SPATA16: variants seen among roughly 807,000 people sequenced by gnomAD.
SPATA16 encodes spermatogenesis-associated protein 16.
In SPATA16, 36 loss-of-function variants were observed where a neutral mutation model predicts 63.3. That is an observed-to-expected ratio of 0.57 (90% CI 0.44 to 0.75). The LOEUF (loss-of-function observed/expected upper bound fraction) is 0.75, where lower values mean the gene tolerates loss of function less well. SPATA16 is among the 30% of genes least tolerant of loss of function. SPATA16 has a pLI of 0.00. For missense variants in SPATA16, 646 were observed against 679.3 expected (o/e 0.95, Z 0.54); for synonymous variants, 203 against 216.7 (o/e 0.94, Z 0.56).
At chr3:173,050,531 G>C (rs994391230) in intron 2 of SPATA16, among the ~76,000 whole-genome samples, 1 of 151,668 alleles carries the variant, frequency 6.6e-6, no homozygotes, top group South Asian at 2.1e-4. Context: ...TCTATTTTTA[G>C]CTCTATATAA....
At chr3:172,998,944 T>C (rs556352284) in intron 4 of SPATA16, among the ~76,000 whole-genome samples, 2 of 152,306 alleles carry the variant, frequency 1.3e-5, no homozygotes, top group East Asian at 3.9e-4. Flanking sequence ...GGATTCAATA[T>C]GCTAATATTT....
intron 8 of SPATA16, among the ~76,000 whole-genome samples, chr3:172,920,220 A>G (rs1732588764): frequency 6.6e-6 from 1 of 152,232 alleles, no homozygotes; most frequent in South Asian, 2.1e-4. Flanking sequence ...GGTAAAATGA[A>G]GGTGACACAA....
intron 3 of SPATA16, among the ~76,000 whole-genome samples, chr3:173,027,823 C>G (rs1735485714): frequency 6.6e-6 from 1 of 151,774 alleles, no homozygotes; most frequent in Admixed American, 6.6e-5. Flanking sequence ...TGACTTCTTC[C>G]CCAGAGACAT....
At chr3:173,108,644 A>G (rs78194669) in intron 2 of SPATA16, among the ~76,000 whole-genome samples, 15,155 of 152,282 alleles carry the variant, frequency 0.1, 973 homozygotes, top group East Asian at 0.26. Flanking sequence ...ATAAAGTCAT[A>G]TGCTGCATAA....
intron 9 of SPATA16, among the ~76,000 whole-genome samples, chr3:172,915,242 C>T (rs542836191): frequency 6.6e-6 from 1 of 152,178 alleles, no homozygotes; most frequent in South Asian, 2.1e-4. Flanking sequence ...TCATAGTTTT[C>T]ATCTTTAGTA....
chr3:173,058,272 GT>G (rs1736297070), intron 2 of SPATA16, among the ~76,000 whole-genome samples: 1 of 151,860 alleles, frequency 6.6e-6, no homozygotes, highest in Non-Finnish European at 1.5e-5. Flanking sequence ...CCATTTAATG[GT>G]TTCCCTAATG....
intron 8 of SPATA16, among the ~76,000 whole-genome samples, chr3:172,921,630 A>G (rs190029215): frequency 6.6e-6 from 1 of 152,324 alleles, no homozygotes. Flanking sequence ...GTAATTTCAA[A>G]CTACACAGCT....
chr3:173,092,782 C>T (rs1247318983), intron 2 of SPATA16, among the ~76,000 whole-genome samples: 1 of 152,010 alleles, frequency 6.6e-6, no homozygotes, highest in African/African-American at 2.4e-5. Flanking sequence ...TCTAGTTAAC[C>T]ACAGAAAACA....
intron 1 of SPATA16, among the ~76,000 whole-genome samples, chr3:173,135,516 C>T (rs1271891054): frequency 6.6e-6 from 1 of 152,010 alleles, no homozygotes; most frequent in African/African-American, 2.4e-5. Context: ...AACATAATAA[C>T]ATTGAAAACA....
chr3:173,069,036 G>C (rs573649168), intron 2 of SPATA16, among the ~76,000 whole-genome samples: 105 of 150,920 alleles, frequency 7.0e-4, no homozygotes, highest in African/African-American at 2.5e-3. Context: ...CGTGAACCCG[G>C]GAGGCGGAGC....
intron 3 of SPATA16, among the ~76,000 whole-genome samples, chr3:173,022,910 G>T (rs1013127114): frequency 1.3e-4 from 20 of 152,146 alleles, no homozygotes; most frequent in African/African-American, 4.8e-4. Context: ...TTGAATTTTT[G>T]TCAGAAGAAA....
intron 6 of SPATA16, among the ~76,000 whole-genome samples, chr3:172,948,655 TGGG>T (rs60293858): frequency 0.087 from 13,161 of 151,582 alleles, 1,901 homozygotes; most frequent in African/African-American, 0.3. Flanking sequence ...TTTGTAGTGA[TGGG>T]GGTCTCGCTA....
At chr3:172,938,838 C>A (rs151317125) in intron 6 of SPATA16, among the ~76,000 whole-genome samples, 6 of 118,510 alleles carry the variant, frequency 5.1e-5, no homozygotes, top group Admixed American at 1.9e-4. Context: ...CCCCCACCCC[C>A]CCGCAACAAA....
intron 10 of SPATA16, among the ~76,000 whole-genome samples, chr3:172,894,472 T>A (rs1417578351): frequency 8.1e-6 from 1 of 123,228 alleles, no homozygotes; most frequent in African/African-American, 3.1e-5. Flanking sequence ...TACCTACCCC[T>A]GAGATTTTAC....
chr3:173,088,771 A>G (rs1386946996), intron 2 of SPATA16, among the ~76,000 whole-genome samples: 2 of 152,210 alleles, frequency 1.3e-5, no homozygotes, highest in African/African-American at 4.8e-5. Flanking sequence ...GCCTTCCCAT[A>G]GGCAAGAACA....
At chr3:173,080,661 G>C (rs115324568) in intron 2 of SPATA16, among the ~76,000 whole-genome samples, 4,857 of 152,204 alleles carry the variant, frequency 0.032, 120 homozygotes, top group Middle Eastern at 0.051. Flanking sequence ...CTAGTTTTAG[G>C]CAATTTCTAA....
intron 2 of SPATA16, among the ~76,000 whole-genome samples, chr3:173,103,907 A>G (rs1267416578): frequency 6.6e-6 from 1 of 152,176 alleles, no homozygotes; most frequent in African/African-American, 2.4e-5. Flanking sequence ...CCTTCTAAAT[A>G]TAGAGTGCAA....
chr3:173,004,217 C>T lies in SPATA16; in HGVS notation c.848+15269G>A, dbSNP rs145410143. ...AGAGTTTGCTGTTAGAATTTCCAGC[C>T]TGATCTTTGTCAGTGTTACTGTCTT... On this transcript the variant is annotated intron_variant, in intron 4 of 10. Transcript: ENST00000351008. Among the ~76,000 whole-genome samples, 690 of 152,168 alleles carry T rather than the reference C, an allele frequency of 4.5e-3. 10 individuals carry two copies. The highest frequency in any genetic ancestry group is 0.03 in the Admixed American group (465 of 15,264).
At chr3:172,997,565 A>G (rs1424645587) in intron 4 of SPATA16, among the ~76,000 whole-genome samples, 4 of 150,970 alleles carry the variant, frequency 2.6e-5, no homozygotes, top group Admixed American at 1.3e-4. Flanking sequence ...CTCCTTTTTT[A>G]TTTTCTTGAC....
Sources: gnomAD v4.1 joint callset for allele counts (sites outside exome capture counted in the v4.1 genomes callset) on GRCh38, gnomAD v4.1.1 for gene constraint, MANE v1.5 for transcripts, NCBI Gene and HGNC (gene_info 2026-07-23, HGNC 2026-07-21) for gene names.